Variants in MICU1 observed in about 807,000 individuals in gnomAD.
The protein encoded by MICU1 is calcium uptake protein 1, mitochondrial.
Under a neutral mutation model 56.8 loss-of-function variants are expected in MICU1, and 45 were observed. The observed-to-expected ratio is 0.79, with a 90% CI of 0.62 to 1.02. The LOEUF is 1.02. Among genes scored for constraint, MICU1 ranks in the 50% least tolerant of loss-of-function variants. The pLI is 0.00. For synonymous variants in MICU1, 186 were observed against 195.1 expected (o/e 0.95, Z 0.39); for missense variants, 504 against 587.1 (o/e 0.86, Z 1.46).
intron 8 of MICU1, among the ~76,000 whole-genome samples, chr10:72,440,774 A>G (rs1180313069): frequency 1.3e-5 from 2 of 152,254 alleles, no homozygotes; most frequent in African/African-American, 4.8e-5. Context: ...GAAGACATCT[A>G]TACAGCCAGC....
chr10:72,562,974 T>C lies in MICU1; in HGVS notation c.251A>G (p.Asn84Ser), dbSNP rs143595376. 1.5e-4 allele frequency: 236 copies of C among 1,610,526 alleles called. No individual in the cohort carries two copies. The African/African-American group carries it at 2.6e-3, about 18-fold the overall frequency. Residue 84 changes from asparagine (N) to serine (S), a missense_variant, in exon 3 of 12, where the codon AAC becomes AGC. Asn to Ser is a conservative substitution (Grantham distance 46). Coordinates refer to ENST00000361114, the MANE Select transcript of MICU1 (RefSeq NM_001195518.2). ...GKNKDEGDVCNHEKKTADLAP... is the reference protein window; with the variant it reads ...GKNKDEGDVCSHEKKTADLAP... ...AAGATCTGCAGTCTTTTTCTCATGG[T>C]TACAAACATCCCCTTCATCTTTATT... is the stretch of plus-strand genomic sequence containing the variant.
chr10:72,595,982 TTTC>T lies in MICU1; in HGVS notation c.-1-29191_-1-29189del, dbSNP rs1841368847. Among the ~76,000 whole-genome samples, 43 of 149,942 alleles carry T rather than the reference TTTC, an allele frequency of 2.9e-4. No homozygotes were observed. In the South Asian group the frequency reaches 9.1e-3, roughly 32 times the overall value. On this transcript the variant is annotated intron_variant, in intron 1 of 11. Transcript: ENST00000361114. ...ACTGTCTCCACAATAAAAAAATTTT[TTTC>T]TTTTTTTTTTTTTTTTTTGAGACAG...
At chr10:72,593,730 G>A (rs6480635) in intron 1 of MICU1, among the ~76,000 whole-genome samples, 95,690 of 151,918 alleles carry the variant, frequency 0.63, 31,664 homozygotes, top group African/African-American at 0.72. Flanking sequence ...ATACACTAGT[G>A]ATAAACAATT....
intron 11 of MICU1, among the ~76,000 whole-genome samples, chr10:72,371,754 A>T (rs764762505): frequency 2.7e-5 from 4 of 150,134 alleles, no homozygotes; most frequent in African/African-American, 7.4e-5. Context: ...CAAAGAAAAA[A>T]ATATATATAT....
intron 1 of MICU1, among the ~76,000 whole-genome samples, chr10:72,601,711 A>G (rs1174816500): frequency 6.6e-6 from 1 of 152,048 alleles, no homozygotes; most frequent in Non-Finnish European, 1.5e-5. Flanking sequence ...GTGTGTATTA[A>G]TATGCTCAAA....
At chr10:72,461,233 TTGA>T in intron 8 of MICU1, among the ~76,000 whole-genome samples, 1 of 152,326 alleles carries the variant, frequency 6.6e-6, no homozygotes, top group Non-Finnish European at 1.5e-5. Context: ...TGGGACAAAC[TTGA>T]TGAGAAAGGT....
At chr10:72,611,290 G>A (rs1328624771) in intron 1 of MICU1, among the ~76,000 whole-genome samples, 3 of 146,976 alleles carry the variant, frequency 2.0e-5, no homozygotes, top group Non-Finnish European at 4.5e-5. Context: ...GAGACACAGC[G>A]AGACTCCCTT....
At chr10:72,370,655 G>A (rs1365620000) in intron 11 of MICU1, among the ~76,000 whole-genome samples, 1 of 152,176 alleles carries the variant, frequency 6.6e-6, no homozygotes, top group Non-Finnish European at 1.5e-5. Context: ...CTATAGTCCT[G>A]GTAATGTGAT....
At chr10:72,395,247 C>T (rs1224681174) in intron 10 of MICU1, among the ~76,000 whole-genome samples, 3 of 152,096 alleles carry the variant, frequency 2.0e-5, no homozygotes, top group African/African-American at 7.2e-5. Context: ...GATCTCCTGA[C>T]CTTGTGATCG....
chr10:72,437,598 C>A (rs187711699), intron 8 of MICU1, among the ~76,000 whole-genome samples: 2 of 152,230 alleles, frequency 1.3e-5, no homozygotes, highest in Non-Finnish European at 2.9e-5. Flanking sequence ...AAAAGACAGA[C>A]TGGCAAATTG....
intron 1 of MICU1, among the ~76,000 whole-genome samples, chr10:72,580,593 C>T (rs533893574): frequency 1.3e-5 from 2 of 152,338 alleles, no homozygotes; most frequent in East Asian, 3.9e-4. Flanking sequence ...TCTCCTGCCT[C>T]AGCCTCCTGA....
chr10:72,484,339 C>T (rs1265191395), intron 6 of MICU1, among the ~76,000 whole-genome samples: 1 of 151,490 alleles, frequency 6.6e-6, no homozygotes, highest in Non-Finnish European at 1.5e-5. Context: ...TAATCTAGTT[C>T]TTCTTAGCTC....
At chr10:72,492,767 TAAATA>T (rs1866701440) in intron 6 of MICU1, among the ~76,000 whole-genome samples, 1 of 121,302 alleles carries the variant, frequency 8.2e-6, no homozygotes, top group South Asian at 2.4e-4. Flanking sequence ...TGTCTCAAAA[TAAATA>T]AAATAAAAAT....
chr10:72,410,697 T>C (rs1171864239), intron 9 of MICU1, among the ~76,000 whole-genome samples: 1 of 152,186 alleles, frequency 6.6e-6, no homozygotes, highest in African/African-American at 2.4e-5. Flanking sequence ...TTGTAATTTT[T>C]GGTAGTGGAC....
chr10:72,449,823 T>C (rs1398337757), intron 8 of MICU1, among the ~76,000 whole-genome samples: 1 of 152,056 alleles, frequency 6.6e-6, no homozygotes, highest in African/African-American at 2.4e-5. Context: ...TTCCCACATA[T>C]GTTTGGGAAG....
intron 5 of MICU1, among the ~76,000 whole-genome samples, chr10:72,511,679 T>C (rs1250319985): frequency 6.6e-6 from 1 of 152,236 alleles, no homozygotes; most frequent in Non-Finnish European, 1.5e-5. Context: ...TGAGAAATTT[T>C]ATCTTTCACA....
intron 1 of MICU1, among the ~76,000 whole-genome samples, chr10:72,584,262 G>A (rs149242124): frequency 7.6e-4 from 115 of 151,944 alleles, no homozygotes; most frequent in African/African-American, 1.4e-3. Flanking sequence ...GAAACTTAAC[G>A]TCTGGTGAAG....
intron 1 of MICU1, among the ~76,000 whole-genome samples, chr10:72,613,025 C>T (rs1841891404): frequency 6.6e-6 from 1 of 151,846 alleles, no homozygotes; most frequent in Admixed American, 6.6e-5. Flanking sequence ...GTTTAAATGG[C>T]CTCTTTTTCA....
intron 1 of MICU1, among the ~76,000 whole-genome samples, chr10:72,607,462 A>C (rs1374433674): frequency 1.3e-5 from 2 of 152,078 alleles, no homozygotes; most frequent in East Asian, 3.9e-4. Flanking sequence ...AACATGGTGA[A>C]ACCCTGTCTC....
Sources: allele counts gnomAD v4.1 joint callset (sites outside exome capture counted in the v4.1 genomes callset), GRCh38; gene constraint gnomAD v4.1.1; transcripts MANE v1.5; gene names NCBI Gene and HGNC (gene_info 2026-07-23, HGNC 2026-07-21).